Variants in EDRF1 observed in about 807,000 individuals in gnomAD.
EDRF1 encodes erythroid differentiation regulatory factor 1.
EDRF1 carries 69 observed loss-of-function variants against 148.7 expected under a neutral mutation model. That is an observed-to-expected ratio of 0.46 (90% CI 0.38 to 0.57). The LOEUF is 0.57. Ranked by LOEUF, EDRF1 falls within the 20% of genes least tolerant of loss-of-function variation. The pLI, the probability that EDRF1 is intolerant of heterozygous loss-of-function variation, is 0.00. For synonymous variants in EDRF1, 515 were observed against 532.8 expected (o/e 0.97, Z 0.46); for missense variants, 1,118 against 1,478.7 (o/e 0.76, Z 4.00).
chr10:125,742,262 A>G, intron 17 of EDRF1: 1 of 1,289,380 alleles, frequency 7.8e-7, no homozygotes, highest in Non-Finnish European at 1.0e-6. Context: ...CGCAGCAGCG[A>G]TATCCCTCCC....
At chr10:125,757,305 T>C (rs1429213696) in intron 24 of EDRF1, among the ~76,000 whole-genome samples, 1 of 152,232 alleles carries the variant, frequency 6.6e-6, no homozygotes, top group Non-Finnish European at 1.5e-5. Flanking sequence ...TCGTTAATCT[T>C]TCATGAGAGG....
chr10:125,749,597 A>T (rs1314688719), intron 22 of EDRF1, 32 bp downstream of exon 22: 1 of 1,610,898 alleles, frequency 6.2e-7, no homozygotes, highest in South Asian at 1.1e-5. Flanking sequence ...TCAGATATGT[A>T]TGCATTGGCT....
intron 12 of EDRF1, among the ~76,000 whole-genome samples, chr10:125,734,800 G>A (rs1029980515): frequency 6.6e-6 from 1 of 152,110 alleles, no homozygotes; most frequent in Non-Finnish European, 1.5e-5. Context: ...TCGGTTGTCT[G>A]ATTGACAACT....
chr10:125,762,915 C>G (rs570156958), intron 24 of EDRF1, among the ~76,000 whole-genome samples: 181 of 152,276 alleles, frequency 1.2e-3, no homozygotes, highest in Non-Finnish European at 2.1e-3. Flanking sequence ...GTCCGTCTGT[C>G]ACTCTCTTGT....
intron 18 of EDRF1, 67 bp downstream of exon 18, chr10:125,743,343 G>A: frequency 7.4e-7 from 1 of 1,346,586 alleles, no homozygotes; most frequent in Non-Finnish European, 1.1e-6. Context: ...TTTTGTATGA[G>A]TCAAGCAAAG....
At chr10:125,738,531 A>C in intron 15 of EDRF1, 86 bp downstream of exon 15, 6 of 1,476,576 alleles carry the variant, frequency 4.1e-6, no homozygotes, top group Non-Finnish European at 5.7e-6. Context: ...CAATTAAGGC[A>C]TTAATTGAAA....
At chr10:125,741,222 A>G in intron 17 of EDRF1, 21 bp downstream of exon 17, 2 of 1,611,094 alleles carry the variant, frequency 1.2e-6, no homozygotes, top group Non-Finnish European at 1.7e-6. Flanking sequence ...GGCTTGGACC[A>G]CGTGGTTCAC....
chr10:125,726,839 G>A (rs1183389787), intron 6 of EDRF1, among the ~76,000 whole-genome samples: 1 of 152,174 alleles, frequency 6.6e-6, no homozygotes, highest in Non-Finnish European at 1.5e-5. Context: ...TGATTCAGAA[G>A]GGAGAAAAGA....
chr10:125,727,086 C>T (rs1564732524), intron 6 of EDRF1, among the ~76,000 whole-genome samples: 2 of 152,044 alleles, frequency 1.3e-5, no homozygotes, highest in South Asian at 2.1e-4. Flanking sequence ...AGTAAACTAA[C>T]GCTCATCAAA....
intron 12 of EDRF1, 114 bp downstream of exon 12, chr10:125,734,297 G>T (rs879197235): frequency 1.5e-4 from 121 of 798,648 alleles, no homozygotes. Context: ...ATTCAGTGTG[G>T]TAGCCATTAG....
chr10:125,733,786 A>G (rs1418699356), intron 11 of EDRF1, 43 bp downstream of exon 11: 2 of 1,546,470 alleles, frequency 1.3e-6, no homozygotes, highest in Non-Finnish European at 1.8e-6. Context: ...AGCCTATTAT[A>G]TAAAGTTTTA....
At chr10:125,719,947 G>C (rs917228729) in intron 1 of EDRF1, 32 bp downstream of exon 1, 2 of 1,593,456 alleles carry the variant, frequency 1.3e-6, no homozygotes, top group Non-Finnish European at 1.7e-6. Context: ...ACCTGCCAGG[G>C]ATGTGGGAGC....
intron 9 of EDRF1, among the ~76,000 whole-genome samples, chr10:125,733,073 T>C (rs771774972): frequency 6.6e-6 from 1 of 152,194 alleles, no homozygotes; most frequent in Admixed American, 6.5e-5. Context: ...ATCTTCCCAG[T>C]TGAAAACCAT....
At chr10:125,758,405 T>G (rs952557456) in intron 24 of EDRF1, among the ~76,000 whole-genome samples, 5 of 152,240 alleles carry the variant, frequency 3.3e-5, no homozygotes, top group Non-Finnish European at 7.3e-5. Flanking sequence ...ATCTCTTGTT[T>G]GTTGAAAACT....
At chr10:125,746,037 G>C in intron 19 of EDRF1, 107 bp downstream of exon 19, 1 of 980,576 alleles carries the variant, frequency 1.0e-6, no homozygotes, top group Non-Finnish European at 1.6e-6. Flanking sequence ...ATTAAACTCT[G>C]CTAATGATAC....
chr10:125,753,900 A>T, intron 24 of EDRF1, 55 bp downstream of exon 24: 1 of 1,591,372 alleles, frequency 6.3e-7, no homozygotes, highest in Non-Finnish European at 8.6e-7. Context: ...ACCTATAAAA[A>T]TTTTCTCTAC....
At position 125,743,160 on chromosome 10, in the gene EDRF1, T is replaced by A. The variant is rs764379102; in HGVS notation, c.2474T>A (p.Leu825Ter). 6.2e-7 allele frequency: 1 copy of A among 1,613,936 alleles called. No homozygotes were observed. Among genetic ancestry groups the A allele is most frequent in the South Asian group, 1.1e-5 (1 of 91,086 alleles). The change falls in exon 18 of 25, where the codon TTG becomes TAG. Residue 825 changes from leucine (L) to a stop codon, truncating the protein, a stop_gained. Coordinates refer to ENST00000356792, the MANE Select transcript of EDRF1 (RefSeq NM_001202438.2). LOFTEE classifies it high-confidence loss of function. ...AANEILQFSD[L>*]KSQNPEHYVQ... ...AATGAAATCTTGCAGTTTAGTGACT[T>A]GAAAAGCCAAAATCCAGAACACTAT... is the stretch of plus-strand genomic sequence containing the variant.
At chr10:125,728,215 A>G (rs868799630) in intron 6 of EDRF1, among the ~76,000 whole-genome samples, 17 of 151,386 alleles carry the variant, frequency 1.1e-4, no homozygotes, top group Admixed American at 7.9e-4. Flanking sequence ...AAAGTATTCC[A>G]GAGAATATCT....
At chr10:125,757,565 GTCTAGCA>G (rs1158940301) in intron 24 of EDRF1, among the ~76,000 whole-genome samples, 1 of 152,152 alleles carries the variant, frequency 6.6e-6, no homozygotes, top group East Asian at 1.9e-4. Context: ...GTAGGTTTCT[GTCTAGCA>G]TCATATTCCT....
Sources: allele counts gnomAD v4.1 joint callset (sites outside exome capture counted in the v4.1 genomes callset), GRCh38; gene constraint gnomAD v4.1.1; transcripts MANE v1.5; gene names NCBI Gene and HGNC (gene_info 2026-07-23, HGNC 2026-07-21).